L3MBTL1: variants seen among roughly 807,000 people sequenced by gnomAD.
L3MBTL1 encodes the protein L3MBTL histone methyl-lysine binding protein 1, also known as lethal(3)malignant brain tumor-like protein 1.
In L3MBTL1, 75 loss-of-function variants were observed where a neutral mutation model predicts 105.3. The observed-to-expected ratio is 0.71, with a 90% CI of 0.59 to 0.86. The LOEUF (loss-of-function observed/expected upper bound fraction) is 0.86, where lower values mean the gene tolerates loss of function less well. Among genes scored for constraint, L3MBTL1 ranks in the 40% least tolerant of loss-of-function variants. The probability of loss-of-function intolerance (pLI) is 0.00; values close to 1 mark genes in which losing one functional copy is unlikely to be tolerated. For synonymous variants in L3MBTL1, 452 were observed against 436.2 expected, an observed-to-expected ratio of 1.04 and a Z score of -0.45; for missense variants, 1,069 against 1,126.4, an observed-to-expected ratio of 0.95 and a Z score of 0.73.
chr20:43,540,336 T>A (rs1373162507), intron 20 of L3MBTL1, 28 bp downstream of exon 20: 2 of 1,607,738 alleles, frequency 1.2e-6, no homozygotes, highest in Non-Finnish European at 1.7e-6. Flanking sequence ...TTCTTTATCC[T>A]TCTCTTCCTC....
chr20:43,546,501 G>A (rs1398664013), downstream of L3MBTL1, among the ~76,000 whole-genome samples: 1 of 152,168 alleles, frequency 6.6e-6, no homozygotes, highest in Non-Finnish European at 1.5e-5. Flanking sequence ...GATTAACTGA[G>A]TTAATACACA....
chr20:43,513,331 T>C, intron 1 of L3MBTL1, 145 bp from the exon 2 acceptor site: 2 of 752,196 alleles, frequency 2.7e-6, no homozygotes, highest in Non-Finnish European at 4.2e-6. Context: ...GACACCCTAC[T>C]CCCCACAGGA....
intron 7 of L3MBTL1, among the ~76,000 whole-genome samples, chr20:43,523,918 C>T (rs186409848): frequency 6.8e-5 from 10 of 147,606 alleles, no homozygotes; most frequent in African/African-American, 1.8e-4. Flanking sequence ...TCACTTGAAC[C>T]GGGGAGGCGG....
At chr20:43,523,266 G>A (rs370982023) in intron 7 of L3MBTL1, 3 of 179,394 alleles carry the variant, frequency 1.7e-5, no homozygotes, top group Non-Finnish European at 3.7e-5. Flanking sequence ...TTTGTTCAAC[G>A]TACTGATTCC....
intron 3 of L3MBTL1, 127 bp from the exon 4 acceptor site, chr20:43,514,508 C>T (rs772979555): frequency 1.3e-6 from 2 of 1,547,786 alleles, no homozygotes; most frequent in Non-Finnish European, 1.7e-6. Flanking sequence ...GGCCCCCTGG[C>T]GTGGAGTCTT....
chr20:43,529,523 A>G (rs768165108), intron 9 of L3MBTL1, among the ~76,000 whole-genome samples, 155 bp downstream of exon 9: 3 of 152,200 alleles, frequency 2.0e-5, no homozygotes, highest in Non-Finnish European at 4.4e-5. Context: ...TTAAAACAAC[A>G]AAAACCAGAT....
At chr20:43,538,448 C>T (rs896376014) in intron 19 of L3MBTL1, among the ~76,000 whole-genome samples, 9 of 152,216 alleles carry the variant, frequency 5.9e-5, no homozygotes, top group Non-Finnish European at 8.8e-5. Flanking sequence ...ACAGGGCACC[C>T]CTGCTCTTCT....
chr20:43,521,090 A>G (rs1464942336), intron 7 of L3MBTL1, among the ~76,000 whole-genome samples: 1 of 152,220 alleles, frequency 6.6e-6, no homozygotes, highest in East Asian at 1.9e-4. Flanking sequence ...CACATGTTAA[A>G]CATAAGTATC....
intron 3 of L3MBTL1, 99 bp downstream of exon 3, chr20:43,514,160 T>A (rs1216176263): frequency 1.8e-6 from 2 of 1,083,904 alleles, no homozygotes; most frequent in African/African-American, 1.6e-5. Flanking sequence ...TGGGGGAAGC[T>A]GGCTCAGATG....
downstream of L3MBTL1, among the ~76,000 whole-genome samples, chr20:43,545,579 G>A (rs1287470616): frequency 2.0e-5 from 3 of 152,170 alleles, no homozygotes; most frequent in East Asian, 5.8e-4. Context: ...TCGAGGAGGT[G>A]CTGGAGAGAG....
chr20:43,513,500 T>A lies in L3MBTL1; in HGVS notation c.-4T>A. The A allele has an allele frequency of 1.3e-6, 2 of 1,550,146 alleles. No homozygotes were observed. ...GGCCTGCCAGGATGGAGGGGCATGC[T>A]GGGATGGAGGGGCATGCTGAAATGG... On this transcript the variant is annotated 5_prime_UTR_variant, in exon 2 of 22. Transcript: ENST00000418998.
intron 7 of L3MBTL1, among the ~76,000 whole-genome samples, chr20:43,519,038 A>C (rs2018565169): frequency 6.6e-6 from 1 of 150,698 alleles, no homozygotes; most frequent in African/African-American, 2.4e-5. Context: ...GGGGAAAAAA[A>C]AGAAAAAAAA....
rs921138180 is a variant in L3MBTL1 at position 43,514,683 on chromosome 20, C to T, written c.409C>T (p.Pro137Ser). The change falls in exon 4 of 22, where the codon CCC becomes TCC. Residue 137 changes from proline (P) to serine (S), a missense_variant. By Grantham distance (74) the Pro-to-Ser change is moderately conservative. Transcript: ENST00000418998. ...GCTGAACATGGCGGGAGTGGAGCAG[C>T]CCCCGAGCCCCGAGCTGCGGCAGGA... ...KPLNMAGVEQ[P>S]PSPELRQEGV... 4 of 1,587,034 alleles carry T rather than the reference C, an allele frequency of 2.5e-6. No individual in the cohort carries two copies. Among genetic ancestry groups the T allele is most frequent in the Non-Finnish European group, 3.4e-6 (4 of 1,167,064 alleles).
chr20:43,523,776 CT>C (rs1185953577), intron 7 of L3MBTL1, among the ~76,000 whole-genome samples: 1 of 151,998 alleles, frequency 6.6e-6, no homozygotes, highest in East Asian at 1.9e-4. Context: ...GGCGAATTGC[CT>C]GAGGTCAGGA....
chr20:43,528,551 C>G, intron 7 of L3MBTL1, 106 bp from the exon 8 acceptor site: 1 of 806,084 alleles, frequency 1.2e-6, no homozygotes, highest in Non-Finnish European at 2.1e-6. Flanking sequence ...TGAACACAGA[C>G]AAAGATTTGT....
rs192977045 is a variant in L3MBTL1 at position 43,534,798 on chromosome 20, G to A, written c.1711-30G>A. On this transcript the variant is annotated intron_variant, in intron 15 of 21. Coordinates refer to ENST00000418998, the MANE Select transcript of L3MBTL1 (RefSeq NM_001377303.1). ...GGCTGAGCTGGGCTCCATGAGAAAC[G>A]CCTGACTTCCAAGAGCCTTTCCTCC... 2.1e-4 allele frequency: 331 copies of A among 1,540,114 alleles called. 3 individuals are homozygous for A. Among genetic ancestry groups the A allele is most frequent in the Admixed American group, 2.1e-3 (120 of 56,460 alleles).
intron 7 of L3MBTL1, among the ~76,000 whole-genome samples, chr20:43,519,918 C>G (rs954748671): frequency 3.9e-5 from 6 of 152,132 alleles, no homozygotes; most frequent in Non-Finnish European, 7.3e-5. Flanking sequence ...GGTACCGGTT[C>G]TTAATAGCTT....
intron 19 of L3MBTL1, chr20:43,539,785 G>T (rs6030947): frequency 0.19 from 64,553 of 343,702 alleles, 6,757 homozygotes; most frequent in African/African-American, 0.29. Context: ...GGCTGAGCTT[G>T]TTTGGATGTT....
Position 43,534,293 on chromosome 20 carries a change from C to T in L3MBTL1, c.1609C>T (p.His537Tyr). 6.2e-7 allele frequency: 1 copy of T among 1,613,888 alleles called. No individual in the cohort carries two copies. Residue 537 changes from histidine (H) to tyrosine (Y), a missense_variant, in exon 15 of 22, where the codon CAC (histidine) becomes TAC (tyrosine). His to Tyr is a moderately conservative substitution (Grantham distance 83). Transcript: ENST00000418998. ...PTWAFKVRPP[H>Y]SFLVNMKLEA... ...GCTGTCCCCTCTGCAGCGACCCCCT[C>T]ACAGCTTCCTGGTCAATATGAAGCT...
Sources: allele counts gnomAD v4.1 joint callset (sites outside exome capture counted in the v4.1 genomes callset), GRCh38; gene constraint gnomAD v4.1.1; transcripts MANE v1.5; gene names NCBI Gene and HGNC (gene_info 2026-07-23, HGNC 2026-07-21).